The following NAALADL2 variants were observed in gnomAD, a reference collection of about 807,000 sequenced individuals.
The protein encoded by NAALADL2 is inactive N-acetylated-alpha-linked acidic dipeptidase-like protein 2.
NAALADL2 carries 76 observed loss-of-function variants against 87.2 expected under a neutral mutation model. The observed-to-expected ratio is 0.87, with a 90% confidence interval of 0.72 to 1.05. The LOEUF (loss-of-function observed/expected upper bound fraction) is 1.05, where lower values mean the gene tolerates loss of function less well. Ranked by LOEUF, NAALADL2 falls within the 50% of genes least tolerant of loss-of-function variation. The probability of loss-of-function intolerance (pLI) is 0.00; values close to 1 mark genes in which losing one functional copy is unlikely to be tolerated. For missense variants in NAALADL2, 1,089 were observed against 945.8 expected (o/e 1.15, Z -1.99); for synonymous variants, 354 against 331.0 (o/e 1.07, Z -0.75).
chr3:174,826,658 G>C (rs568300299), intron 3 of NAALADL2, among the ~76,000 whole-genome samples: 1 of 152,278 alleles, frequency 6.6e-6, no homozygotes, highest in East Asian at 1.9e-4. Context: ...AGTTTTCTCA[G>C]TGTATAAAAT....
chr3:174,853,513 C>T (rs1357763342), intron 3 of NAALADL2, among the ~76,000 whole-genome samples: 1 of 151,714 alleles, frequency 6.6e-6, no homozygotes, highest in Non-Finnish European at 1.5e-5. Context: ...GCGGAGGCAA[C>T]CAAAGCAAAA....
intron 2 of NAALADL2, among the ~76,000 whole-genome samples, chr3:175,166,178 A>G (rs929533858): frequency 6.6e-6 from 1 of 151,994 alleles, no homozygotes; most frequent in African/African-American, 2.4e-5. Context: ...GCCTTAGAAA[A>G]TCTTACCCCT....
At chr3:174,453,425 T>G (rs1176073637) in intron 1 of NAALADL2, among the ~76,000 whole-genome samples, 3 of 151,990 alleles carry the variant, frequency 2.0e-5, no homozygotes, top group Non-Finnish European at 4.4e-5. Flanking sequence ...GAGAACCCAG[T>G]AAAATACTTC....
intron 10 of NAALADL2, among the ~76,000 whole-genome samples, chr3:175,615,585 T>A (rs1201090510): frequency 6.6e-6 from 1 of 151,996 alleles, no homozygotes; most frequent in Non-Finnish European, 1.5e-5. Context: ...TGGCCGGGCA[T>A]GATGGCTCAT....
Position 175,781,412 on chromosome 3 carries a change from T to G in NAALADL2, c.2190-21593T>G, listed in dbSNP as rs535993104. The stretch of plus-strand genomic sequence containing the variant: ...AAAGAACAATGCATGACTCATGTGT[T>G]TGTAGTGATGATGGTATAAACAAAC... On this transcript the variant is annotated intron_variant, in intron 13 of 13. Transcript: ENST00000454872. Among the ~76,000 whole-genome samples, 24 of 152,238 alleles carry G rather than the reference T, an allele frequency of 1.6e-4. 1 individual carries two copies. The South Asian group carries it at 5.0e-3, about 32-fold the overall frequency.
intron 3 of NAALADL2, among the ~76,000 whole-genome samples, chr3:174,798,342 G>A (rs1460701012): frequency 9.2e-5 from 14 of 152,162 alleles, no homozygotes; most frequent in African/African-American, 3.1e-4. Context: ...ATATTTATGG[G>A]GTTTGAAATT....
chr3:175,547,636 G>A (rs538598462), intron 9 of NAALADL2, among the ~76,000 whole-genome samples: 20 of 152,224 alleles, frequency 1.3e-4, no homozygotes, highest in Non-Finnish European at 2.1e-4. Context: ...TGAAGAATGG[G>A]AGGAAATTTT....
chr3:174,445,821 A>G (rs1715016481), intron 1 of NAALADL2, among the ~76,000 whole-genome samples: 1 of 152,106 alleles, frequency 6.6e-6, no homozygotes, highest in Non-Finnish European at 1.5e-5. Context: ...ACATGCGATT[A>G]TATGAGAAGT....
intron 11 of NAALADL2, among the ~76,000 whole-genome samples, chr3:175,652,803 T>C (rs759132414): frequency 2.1e-4 from 32 of 152,224 alleles, no homozygotes; most frequent in South Asian, 8.3e-4. Flanking sequence ...TGACTTTATA[T>C]TTGATTACAA....
intron 3 of NAALADL2, among the ~76,000 whole-genome samples, chr3:174,800,500 C>G (rs1578984248): frequency 6.6e-6 from 1 of 152,252 alleles, no homozygotes; most frequent in South Asian, 2.1e-4. Flanking sequence ...TGCTTGGATG[C>G]CCAGGCAAAA....
At chr3:174,680,484 T>C (rs905137082) in intron 2 of NAALADL2, among the ~76,000 whole-genome samples, 1 of 152,212 alleles carries the variant, frequency 6.6e-6, no homozygotes, top group Admixed American at 6.5e-5. Flanking sequence ...CTTTGTTTTT[T>C]CTTTACTTTT....
At chr3:174,630,215 A>T (rs1384309565) in intron 2 of NAALADL2, among the ~76,000 whole-genome samples, 1 of 152,114 alleles carries the variant, frequency 6.6e-6, no homozygotes, top group Non-Finnish European at 1.5e-5. Context: ...TTCATTATTT[A>T]TCATTTTTTG....
chr3:175,300,670 T>G (rs1756945685), intron 4 of NAALADL2, among the ~76,000 whole-genome samples: 1 of 151,858 alleles, frequency 6.6e-6, no homozygotes. Context: ...TATTTGATTG[T>G]TCTCTCTTTT....
intron 9 of NAALADL2, among the ~76,000 whole-genome samples, 169 bp downstream of exon 9, chr3:175,471,927 C>G (rs1241353105): frequency 1.3e-5 from 2 of 151,822 alleles, no homozygotes; most frequent in African/African-American, 4.8e-5. Flanking sequence ...TAACTAATTT[C>G]TTATGTTCTG....
rs540363978 is a variant in NAALADL2, at chr3:174,806,872, C to G, written c.-9+69126C>G. On this transcript the variant is annotated intron_variant, in intron 3 of 3. Transcript: ENST00000434257. ...AGTTTATAGTGCATTTTCTCAGATA[C>G]AATATAATCAGATAAGATTATTAGG... Among the ~76,000 whole-genome samples, 22 of 152,076 alleles carry G rather than the reference C, an allele frequency of 1.4e-4. No homozygotes were observed. The South Asian group carries it at 4.6e-3, about 32-fold the overall frequency.
chr3:175,173,148 G>C (rs956603441), intron 2 of NAALADL2, among the ~76,000 whole-genome samples: 5 of 151,560 alleles, frequency 3.3e-5, no homozygotes, highest in African/African-American at 1.2e-4. Flanking sequence ...AAAAATTAGC[G>C]GGGTGTGGTG....
At chr3:175,703,603 A>G (rs1053124256) in intron 11 of NAALADL2, among the ~76,000 whole-genome samples, 14 of 151,902 alleles carry the variant, frequency 9.2e-5, no homozygotes, top group Non-Finnish European at 1.3e-4. Flanking sequence ...ATTAGTCAGG[A>G]GCGGTGGCAG....
At chr3:174,874,801 A>G (rs571782593) in intron 1 of NAALADL2, among the ~76,000 whole-genome samples, 5 of 152,242 alleles carry the variant, frequency 3.3e-5, no homozygotes, top group African/African-American at 1.2e-4. Context: ...CAACTCATTA[A>G]GCTGCCAGGA....
intron 2 of NAALADL2, among the ~76,000 whole-genome samples, chr3:175,131,145 T>C (rs1332398266): frequency 6.7e-6 from 1 of 150,080 alleles, no homozygotes; most frequent in African/African-American, 2.5e-5. Context: ...TATTTCTAAG[T>C]ATTTTATTCT....
Sources: allele counts gnomAD v4.1 joint callset (sites outside exome capture counted in the v4.1 genomes callset), GRCh38; gene constraint gnomAD v4.1.1; transcripts MANE v1.5; gene names NCBI Gene and HGNC (gene_info 2026-07-23, HGNC 2026-07-21).